The following EYA3 variants were observed in gnomAD, a reference collection of about 807,000 sequenced individuals.
The protein encoded by EYA3 is protein phosphatase EYA3.
In EYA3, 39 loss-of-function variants were observed where a neutral mutation model predicts 80.0. The ratio of observed to expected loss-of-function variants is 0.49; its 90% CI spans 0.38 to 0.64. The LOEUF is 0.64. Among genes scored for constraint, EYA3 ranks in the 30% least tolerant of loss-of-function variants. The pLI, the probability that EYA3 is intolerant of heterozygous loss-of-function variation, is 0.00. For synonymous variants in EYA3, 206 were observed against 232.8 expected, an observed-to-expected ratio of 0.88 and a Z score of 1.05; for missense variants, 523 against 676.1, an observed-to-expected ratio of 0.77 and a Z score of 2.51.
At chr1:27,989,621 G>C in intron 15 of EYA3, 76 bp downstream of exon 15, 1 of 927,434 alleles carries the variant, frequency 1.1e-6, no homozygotes, top group South Asian at 1.7e-5. Flanking sequence ...CCCTATTTTA[G>C]AGAATGGCTT....
chr1:28,048,174 T>G (rs1356130335), intron 3 of EYA3, among the ~76,000 whole-genome samples: 1 of 152,142 alleles, frequency 6.6e-6, no homozygotes, highest in Non-Finnish European at 1.5e-5. Context: ...GAATAAATAA[T>G]GAATGCATAA....
At position 28,004,435 on chromosome 1, in the gene EYA3, AT is replaced by A; in HGVS notation, c.910-17del. On this transcript the variant is annotated splice_polypyrimidine_tract_variant and intron_variant, in intron 10 of 17. Transcript: ENST00000373871. ...GAAATACCCGCTGAGGAAAGAAAAT[AT>A]AAAAAATGAGTATATTTTCCAATTA... is the stretch of plus-strand genomic sequence containing the variant. 2 of 1,584,316 alleles carry A rather than the reference AT, an allele frequency of 1.3e-6. No homozygotes were observed. The highest frequency in any genetic ancestry group is 1.7e-6 in the Non-Finnish European group (2 of 1,156,428).
chr1:28,062,071 G>T (rs1644651277), intron 1 of EYA3, among the ~76,000 whole-genome samples: 1 of 152,138 alleles, frequency 6.6e-6, no homozygotes, highest in Non-Finnish European at 1.5e-5. Context: ...TCAAACAGCT[G>T]ATGAAATTAC....
At chr1:28,022,800 G>A (rs1399154806) in intron 7 of EYA3, among the ~76,000 whole-genome samples, 3 of 151,632 alleles carry the variant, frequency 2.0e-5, no homozygotes, top group Non-Finnish European at 4.4e-5. Flanking sequence ...CTGAGGCCTC[G>A]ACCTCCTAAG....
chr1:28,037,598 A>C (rs1226578674), intron 5 of EYA3, among the ~76,000 whole-genome samples: 1 of 152,188 alleles, frequency 6.6e-6, no homozygotes, highest in Admixed American at 6.5e-5. Context: ...GTGTTTTCAC[A>C]TTTAGTATCT....
rs141305396 is a variant in EYA3, at chr1:28,050,911, G to C, written c.34-2485C>G. 8.1e-4 allele frequency among the ~76,000 whole-genome samples: 123 copies of C among 152,326 alleles called. 1 individual carries two copies. The highest frequency in any genetic ancestry group is 2.9e-3 in the African/African-American group (122 of 41,572). ...CCTGGTTGTTAAGAGAAATAGCAAA[G>C]ATTGAGCAACAATTTTCTGGAGAGT... On this transcript the variant is annotated intron_variant, in intron 2 of 17. Transcript: ENST00000373871.
intron 1 of EYA3, among the ~76,000 whole-genome samples, chr1:28,073,122 TA>T (rs1192064105): frequency 4.4e-4 from 25 of 56,616 alleles, no homozygotes; most frequent in African/African-American, 8.1e-4. Flanking sequence ...TATATATATA[TA>T]TATATTTTTT....
intron 7 of EYA3, among the ~76,000 whole-genome samples, chr1:28,023,082 TGGGGG>T (rs71586820): frequency 0.69 from 101,952 of 146,976 alleles, 35,408 homozygotes; most frequent in South Asian, 0.8. Flanking sequence ...AAGTGCTGGG[TGGGGG>T]GGGGGGGGAA....
Position 28,000,002 on chromosome 1 carries a change from A to C in EYA3, c.1041T>G (p.Ile347Met), listed in dbSNP as rs2148754767. 5.0e-6 allele frequency: 8 copies of C among 1,611,502 alleles called. No homozygotes were observed. Among genetic ancestry groups the C allele is most frequent in the Non-Finnish European group, 6.8e-6 (8 of 1,178,872 alleles). ...IGSGLTMEEM[I>M]FEVADTHLFF... ...ATAGATGAGTATCAGCCACTTCAAA[A>C]ATCATTTCTTCCATTGTTAAACCTG... is the stretch of plus-strand genomic sequence containing the variant. Residue 347 changes from isoleucine (I) to methionine (M), a missense_variant, in exon 12 of 18, where the codon ATT (isoleucine) becomes ATG (methionine). Transcript: ENST00000373871.
intron 6 of EYA3, among the ~76,000 whole-genome samples, chr1:28,029,781 G>C (rs1478740943): frequency 6.6e-6 from 1 of 151,848 alleles, no homozygotes; most frequent in Non-Finnish European, 1.5e-5. Context: ...TTTTAGTAAA[G>C]ATGGGGTTTC....
chr1:28,082,486 C>A (rs1645464008), intron 1 of EYA3, among the ~76,000 whole-genome samples: 1 of 152,120 alleles, frequency 6.6e-6, no homozygotes, highest in South Asian at 2.1e-4. Flanking sequence ...AAGTTCCCCT[C>A]ATCTTTTCTA....
chr1:28,069,646 G>A (rs544501180), intron 1 of EYA3, among the ~76,000 whole-genome samples: 10 of 150,568 alleles, frequency 6.6e-5, no homozygotes, highest in African/African-American at 2.4e-4. Flanking sequence ...AAGGGAAAGA[G>A]GGGGTAGAAG....
At chr1:28,005,991 G>A (rs1235937602) in intron 10 of EYA3, among the ~76,000 whole-genome samples, 3 of 151,894 alleles carry the variant, frequency 2.0e-5, no homozygotes, top group Non-Finnish European at 4.4e-5. Flanking sequence ...TGTAGTCCCA[G>A]CTACTTGGGA....
chr1:28,046,240 A>C (rs1644000754), intron 3 of EYA3, among the ~76,000 whole-genome samples: 1 of 152,212 alleles, frequency 6.6e-6, no homozygotes, highest in Non-Finnish European at 1.5e-5. Flanking sequence ...TAAAATGGTA[A>C]ATTGTATATT....
At chr1:27,995,827 C>G (rs1379177710) in intron 13 of EYA3, among the ~76,000 whole-genome samples, 1 of 152,136 alleles carries the variant, frequency 6.6e-6, no homozygotes, top group Admixed American at 6.5e-5. Context: ...AGCTAGGTCA[C>G]TTTTAAGTTC....
At chr1:28,022,212 G>A (rs11247738) in intron 7 of EYA3, among the ~76,000 whole-genome samples, 35,848 of 151,970 alleles carry the variant, frequency 0.24, 4,339 homozygotes, top group Non-Finnish European at 0.27. Context: ...GCAGTGGCGC[G>A]ATCTCGACTC....
chr1:27,998,284 C>T, intron 12 of EYA3: 1 of 984,640 alleles, frequency 1.0e-6, no homozygotes, highest in Non-Finnish European at 1.2e-6. Context: ...AAGCACTGAC[C>T]TGGGGGGCAG....
chr1:28,044,520 C>T (rs988933596), intron 3 of EYA3, among the ~76,000 whole-genome samples: 2 of 152,176 alleles, frequency 1.3e-5, no homozygotes, highest in Admixed American at 1.3e-4. Context: ...AAGAAGCTTG[C>T]TTTGTTCTTC....
In EYA3 at chr1:27,974,503, A is replaced by C; in HGVS notation, c.1685T>G (p.Val562Gly). 2.5e-6 allele frequency: 4 copies of C among 1,613,136 alleles called. No homozygotes were observed. The highest frequency in any genetic ancestry group is 3.4e-6 in the Non-Finnish European group (4 of 1,179,204). ...FWRITNHGDLVSLHQALELDF... is the reference protein window; with the variant it reads ...FWRITNHGDLGSLHQALELDF... ...AAGCTCTAAAGCCTGGTGAAGGGAT[A>C]CTAGGTCTCCATGGTTTGTGATCCT... Residue 562 changes from valine to glycine, a missense_variant, in exon 18 of 18, where the codon GTA (valine) becomes GGA (glycine). Val to Gly is a moderately radical substitution (Grantham distance 109, BLOSUM62 -3). Transcript: ENST00000373871.
Sources: gnomAD v4.1 joint callset for allele counts (sites outside exome capture counted in the v4.1 genomes callset) on GRCh38, gnomAD v4.1.1 for gene constraint, MANE v1.5 for transcripts, NCBI Gene and HGNC (gene_info 2026-07-23, HGNC 2026-07-21) for gene names.